KCNH1: variants seen among roughly 807,000 people sequenced by gnomAD.
KCNH1 encodes the protein potassium voltage-gated channel subfamily H member 1.
In KCNH1, 27 loss-of-function variants were observed where a neutral mutation model predicts 69.2. The ratio of observed to expected loss-of-function variants is 0.39; its 90% confidence interval spans 0.29 to 0.54. The LOEUF (loss-of-function observed/expected upper bound fraction) is 0.54, where lower values mean the gene tolerates loss of function less well. Among genes scored for constraint, KCNH1 ranks in the 20% least tolerant of loss-of-function variants. The probability of loss-of-function intolerance (pLI) is 0.68; values close to 1 mark genes in which losing one functional copy is unlikely to be tolerated. For missense variants in KCNH1, 798 were observed against 1,261.6 expected (o/e 0.63, Z 5.57); for synonymous variants, 456 against 487.7 (o/e 0.93, Z 0.86).
intron 7 of KCNH1, among the ~76,000 whole-genome samples, chr1:210,807,633 A>AAATAATAAT (rs371459135): frequency 1.1e-3 from 166 of 151,298 alleles, no homozygotes; most frequent in African/African-American, 3.4e-3. Context: ...ATAAATAAAT[A>AAATAATAAT]AATAATAATA....
rs59731833 is a variant in KCNH1 at position 210,754,576 on chromosome 1, A to C, written c.2112+20772T>G. On this transcript the variant is annotated intron_variant, in intron 10 of 10. Transcript: ENST00000271751. ...GTTCTTATGATAGTGAGTTCTCATG[A>C]GATCTGCTTGATTAAAAGTGTGTGG... 5.3e-3 allele frequency among the ~76,000 whole-genome samples: 805 copies of C among 151,968 alleles called. 6 individuals are homozygous for C. Among genetic ancestry groups the C allele is most frequent in the African/African-American group, 0.018 (762 of 41,432 alleles).
intron 6 of KCNH1, among the ~76,000 whole-genome samples, chr1:210,970,229 C>T (rs1688486994): frequency 6.6e-6 from 1 of 151,996 alleles, no homozygotes; most frequent in Non-Finnish European, 1.5e-5. Context: ...AAGCCTTGCA[C>T]ACATTAGCTA....
chr1:211,055,438 A>T (rs1301535599), intron 5 of KCNH1, among the ~76,000 whole-genome samples: 1 of 152,224 alleles, frequency 6.6e-6, no homozygotes, highest in East Asian at 1.9e-4. Flanking sequence ...ATGCCACTGC[A>T]AGCCAAAGTC....
At chr1:211,071,171 C>G (rs1208741402) in intron 5 of KCNH1, among the ~76,000 whole-genome samples, 5 of 152,190 alleles carry the variant, frequency 3.3e-5, no homozygotes, top group African/African-American at 1.2e-4. Context: ...TTTATATCAT[C>G]TGTTTCCAAT....
intron 10 of KCNH1, among the ~76,000 whole-genome samples, chr1:210,770,484 C>G (rs1683733309): frequency 6.6e-6 from 1 of 152,258 alleles, no homozygotes; most frequent in African/African-American, 2.4e-5. Flanking sequence ...CATAGCTGGT[C>G]AGCAGTCAAA....
At chr1:210,921,735 G>A (rs1687463206) in intron 6 of KCNH1, among the ~76,000 whole-genome samples, 1 of 152,192 alleles carries the variant, frequency 6.6e-6, no homozygotes, top group African/African-American at 2.4e-5. Context: ...ACATCTTCCA[G>A]GTGAGTCTAG....
At chr1:210,733,272 C>T (rs1030971385) in intron 10 of KCNH1, among the ~76,000 whole-genome samples, 1 of 152,038 alleles carries the variant, frequency 6.6e-6, no homozygotes, top group Non-Finnish European at 1.5e-5. Context: ...TTGGAAAATG[C>T]TCTGACTTGA....
At position 210,797,731 on chromosome 1, in the gene KCNH1, T is replaced by C; in HGVS notation, c.1692A>G (p.Arg564=). ...GGTTCAGGTGCACGCAGATGTCGGC[T>C]CTCATGTCCTTGGGGCAGATCTGCA... ...KVLQICPKDM[R]ADICVHLNRK... The change falls in exon 9 of 11, where the codon AGA becomes AGG. Residue 564 remains arginine, a synonymous_variant. Transcript: ENST00000271751. 1 of 1,613,884 alleles carries C rather than the reference T, an allele frequency of 6.2e-7. No homozygotes were observed. The highest frequency in any genetic ancestry group is 8.5e-7 in the Non-Finnish European group (1 of 1,179,824).
chr1:210,746,880 G>A (rs915113190), intron 10 of KCNH1, among the ~76,000 whole-genome samples: 2 of 152,122 alleles, frequency 1.3e-5, no homozygotes, highest in Non-Finnish European at 2.9e-5. Flanking sequence ...AGTCCCTTAT[G>A]CCCTGGGTAG....
chr1:210,838,393 C>T (rs1166125489), intron 7 of KCNH1, among the ~76,000 whole-genome samples: 2 of 151,716 alleles, frequency 1.3e-5, no homozygotes, highest in African/African-American at 4.8e-5. Flanking sequence ...AAACCCCTTC[C>T]TTACGCCTTA....
At chr1:210,962,573 A>C (rs1407195052) in intron 6 of KCNH1, among the ~76,000 whole-genome samples, 1 of 152,140 alleles carries the variant, frequency 6.6e-6, no homozygotes, top group East Asian at 1.9e-4. Flanking sequence ...ATGCTGCTGC[A>C]GATAACTATA....
intron 10 of KCNH1, among the ~76,000 whole-genome samples, chr1:210,736,649 A>G (rs1682887147): frequency 6.6e-6 from 1 of 152,220 alleles, no homozygotes; most frequent in Admixed American, 6.5e-5. Flanking sequence ...TACAGAGAAA[A>G]AAAACACAAA....
chr1:211,001,931 A>G (rs898897133), intron 6 of KCNH1, among the ~76,000 whole-genome samples: 2 of 147,666 alleles, frequency 1.4e-5, no homozygotes, highest in African/African-American at 4.9e-5. Context: ...CAAACACCAC[A>G]TGTTCTCACT....
chr1:211,102,386 T>C (rs1039560761), intron 3 of KCNH1, among the ~76,000 whole-genome samples: 65 of 152,194 alleles, frequency 4.3e-4, no homozygotes, highest in African/African-American at 1.5e-3. Flanking sequence ...GTGGAAAGAC[T>C]GGCATACAGC....
chr1:210,683,277 C>T lies in KCNH1; in HGVS notation c.*4G>A, dbSNP rs374422818. 3 of 1,610,410 alleles carry T rather than the reference C, an allele frequency of 1.9e-6. No individual in the cohort carries two copies. The highest frequency in any genetic ancestry group is 1.7e-6 in the Non-Finnish European group (2 of 1,178,422). On this transcript the variant is annotated 3_prime_UTR_variant, in exon 11 of 11. Transcript: ENST00000271751. The surrounding 1 kb of genome is among the most constrained non-coding windows in gnomAD (Gnocchi z 5.7). ...GTCTCTGACTTTTTTTTTAAATAGA[C>T]CTCTCAGCTGGCTCCAAAAATGTCT...
At chr1:210,770,208 TG>T (rs1004213872) in intron 10 of KCNH1, among the ~76,000 whole-genome samples, 17 of 150,036 alleles carry the variant, frequency 1.1e-4, no homozygotes, top group African/African-American at 2.5e-4. Flanking sequence ...GTTTGGGGTG[TG>T]GGGGGGTCAA....
chr1:211,067,397 G>A (rs1189190616), intron 5 of KCNH1, among the ~76,000 whole-genome samples: 1 of 152,234 alleles, frequency 6.6e-6, no homozygotes, highest in East Asian at 1.9e-4. Flanking sequence ...GCAAGAAGGT[G>A]GCTAAGGGCC....
chr1:210,738,205 TAC>T (rs937424048), intron 10 of KCNH1, among the ~76,000 whole-genome samples: 53 of 152,326 alleles, frequency 3.5e-4, no homozygotes, highest in African/African-American at 1.2e-3. Flanking sequence ...CTCAGATATC[TAC>T]ACAGTCTTCT....
At position 211,124,542 on chromosome 1, in the gene KCNH1, G is replaced by C. The variant is rs138307473; in HGVS notation, c.79+9325C>G. Among the ~76,000 whole-genome samples the C allele has an allele frequency of 5.4e-3, 829 of 152,146 alleles. 3 individuals carry two copies. Among genetic ancestry groups the C allele is most frequent in the African/African-American group, 0.019 (793 of 41,490 alleles). ...GCCTGTAGTCCCAGCTGCTCAGAAG[G>C]CTAAGCCAGGGAAATCGCAAGCCGA... On this transcript the variant is annotated intron_variant, in intron 1 of 10. Transcript: ENST00000271751.
Sources: gnomAD v4.1 joint callset for allele counts (sites outside exome capture counted in the v4.1 genomes callset) on GRCh38, gnomAD v4.1.1 for gene constraint, Gnocchi (gnomAD v3.1) non-coding constraint, MANE v1.5 for transcripts, NCBI Gene and HGNC (gene_info 2026-07-23, HGNC 2026-07-21) for gene names.